KCTD16: variants seen among roughly 807,000 people sequenced by gnomAD.
KCTD16 encodes the protein potassium channel tetramerization domain containing 16.
A neutral mutation model predicts 33.2 loss-of-function variants in KCTD16; 13 were observed. The ratio of observed to expected loss-of-function variants is 0.39; its 90% CI spans 0.25 to 0.62. The LOEUF (loss-of-function observed/expected upper bound fraction) is 0.62, where lower values mean the gene tolerates loss of function less well. KCTD16 is among the 20% of genes least tolerant of loss of function. KCTD16 has a pLI of 0.50. For missense variants in KCTD16, 441 were observed against 525.1 expected, an observed-to-expected ratio of 0.84 and a Z score of 1.57; for synonymous variants, 197 against 195.3, an observed-to-expected ratio of 1.01 and a Z score of -0.07.
intron 3 of KCTD16, among the ~76,000 whole-genome samples, chr5:144,369,921 C>T (rs895283530): frequency 1.3e-5 from 2 of 151,704 alleles, no homozygotes; most frequent in Non-Finnish European, 2.9e-5. Context: ...TCTAATGAGG[C>T]TAAAGTTGGT....
intron 3 of KCTD16, among the ~76,000 whole-genome samples, chr5:144,211,094 C>T (rs1403608809): frequency 2.6e-5 from 4 of 151,814 alleles, no homozygotes; most frequent in African/African-American, 9.7e-5. Flanking sequence ...CTCTAAATTA[C>T]CTTTTAGATG....
chr5:144,454,561 A>C (rs551205759), intron 3 of KCTD16, among the ~76,000 whole-genome samples: 1 of 152,292 alleles, frequency 6.6e-6, no homozygotes, highest in South Asian at 2.1e-4. Flanking sequence ...TATAAGGCTA[A>C]AGTTTGTGGT....
intron 3 of KCTD16, among the ~76,000 whole-genome samples, chr5:144,450,326 G>A (rs1271205451): frequency 1.3e-5 from 2 of 151,984 alleles, no homozygotes; most frequent in African/African-American, 2.4e-5. Flanking sequence ...TGGAGAAATT[G>A]GAACCCTTTT....
chr5:144,440,002 G>A (rs1753668415), intron 3 of KCTD16, among the ~76,000 whole-genome samples: 1 of 150,274 alleles, frequency 6.7e-6, no homozygotes, highest in Admixed American at 6.6e-5. Context: ...CACAGAAAAT[G>A]TCACAGAGCA....
intron 3 of KCTD16, among the ~76,000 whole-genome samples, chr5:144,400,280 A>C (rs1327967898): frequency 2.0e-5 from 3 of 152,160 alleles, no homozygotes; most frequent in Non-Finnish European, 4.4e-5. Flanking sequence ...TGACCCTCGT[A>C]GGTATGATAT....
At chr5:144,177,189 A>C (rs1293540852) in intron 2 of KCTD16, among the ~76,000 whole-genome samples, 1 of 152,206 alleles carries the variant, frequency 6.6e-6, no homozygotes, top group Non-Finnish European at 1.5e-5. Context: ...TCTCTCAATT[A>C]GAGTTATTTT....
rs1471958151 is a variant in KCTD16 at position 144,207,182 on chromosome 5, G to A, written c.468G>A (p.Leu156=). 1.2e-6 allele frequency: 2 copies of A among 1,613,132 alleles called. No individual in the cohort carries two copies. The highest frequency in any genetic ancestry group is 1.7e-5 in the Admixed American group (1 of 59,882). ...CAAGAATCTGCCCCCCTTCCTCCCT[G>A]CTCCCTGCCGACCGCAAGTGGGGTT... ...SDTRICPPSS[L]LPADRKWGFI... The change falls in exon 3 of 4, where the codon CTG becomes CTA. Residue 156 remains leucine, a synonymous_variant. Coordinates refer to ENST00000512467, the MANE Select transcript of KCTD16 (RefSeq NM_020768.4).
intron 3 of KCTD16, among the ~76,000 whole-genome samples, chr5:144,359,733 A>G (rs1751661131): frequency 6.6e-6 from 1 of 151,516 alleles, no homozygotes; most frequent in African/African-American, 2.4e-5. Context: ...ACAACCTCCA[A>G]TGACAAAGAA....
At chr5:144,367,196 C>G (rs928117077) in intron 3 of KCTD16, among the ~76,000 whole-genome samples, 1 of 152,160 alleles carries the variant, frequency 6.6e-6, no homozygotes, top group African/African-American at 2.4e-5. Context: ...AATTCCCTAC[C>G]TTGAATTTAG....
At chr5:144,366,692 G>T (rs936765877) in intron 3 of KCTD16, among the ~76,000 whole-genome samples, 1 of 152,048 alleles carries the variant, frequency 6.6e-6, no homozygotes, top group East Asian at 1.9e-4. Context: ...AAACAATACT[G>T]CTATCCTAGT....
intron 2 of KCTD16, among the ~76,000 whole-genome samples, chr5:144,186,224 A>T (rs1561522325): frequency 6.6e-6 from 1 of 152,094 alleles, no homozygotes; most frequent in East Asian, 1.9e-4. Context: ...GACAGCAGAG[A>T]CTCTCATATG....
At chr5:144,407,514 C>A (rs1411297411) in intron 3 of KCTD16, among the ~76,000 whole-genome samples, 3 of 151,470 alleles carry the variant, frequency 2.0e-5, no homozygotes, top group Non-Finnish European at 4.4e-5. Flanking sequence ...GATAGTTTTT[C>A]TTGTTTTCTT....
At chr5:144,194,488 C>G (rs1220150654) in intron 2 of KCTD16, among the ~76,000 whole-genome samples, 1 of 152,196 alleles carries the variant, frequency 6.6e-6, no homozygotes, top group Non-Finnish European at 1.5e-5. Context: ...TGATGTGGCT[C>G]TACCCTGAGC....
At chr5:144,218,809 G>A (rs1301671831) in intron 3 of KCTD16, among the ~76,000 whole-genome samples, 1 of 152,158 alleles carries the variant, frequency 6.6e-6, no homozygotes, top group Non-Finnish European at 1.5e-5. Context: ...GAACACTCAG[G>A]AGGTGCTCAG....
chr5:144,372,046 C>T (rs557902804), intron 3 of KCTD16, among the ~76,000 whole-genome samples: 1 of 152,022 alleles, frequency 6.6e-6, no homozygotes, highest in Non-Finnish European at 1.5e-5. Flanking sequence ...AGGATTAGGC[C>T]AGTCTTACAT....
chr5:144,202,363 C>T (rs1323899528), intron 2 of KCTD16, among the ~76,000 whole-genome samples: 2 of 152,220 alleles, frequency 1.3e-5, no homozygotes, highest in Non-Finnish European at 2.9e-5. Flanking sequence ...CTGAGACATT[C>T]GCTTACTCTA....
intron 3 of KCTD16, among the ~76,000 whole-genome samples, chr5:144,456,487 G>T (rs940720607): frequency 1.3e-5 from 2 of 152,198 alleles, no homozygotes; most frequent in African/African-American, 4.8e-5. Context: ...GCACACAGGG[G>T]GGTCAGGGGT....
chr5:144,274,481 A>G (rs1309646076), intron 3 of KCTD16, among the ~76,000 whole-genome samples: 2 of 152,184 alleles, frequency 1.3e-5, no homozygotes, highest in Non-Finnish European at 2.9e-5. Flanking sequence ...ACATTTTTTC[A>G]TAATTCTGAA....
chr5:144,368,278 G>A (rs902408056), intron 3 of KCTD16, among the ~76,000 whole-genome samples: 6 of 152,098 alleles, frequency 3.9e-5, no homozygotes, highest in Admixed American at 3.3e-4. Flanking sequence ...AAAACAGGGA[G>A]ATAATTCTGG....
Sources: allele counts gnomAD v4.1 joint callset (sites outside exome capture counted in the v4.1 genomes callset), GRCh38; gene constraint gnomAD v4.1.1; transcripts MANE v1.5; gene names NCBI Gene and HGNC (gene_info 2026-07-23, HGNC 2026-07-21).